MTUS2: variants seen among roughly 807,000 people sequenced by gnomAD.
MTUS2 encodes the protein microtubule-associated tumor suppressor candidate 2.
MTUS2 carries 40 observed loss-of-function variants against 114.1 expected under a neutral mutation model. The ratio of observed to expected loss-of-function variants is 0.35; its 90% CI spans 0.27 to 0.46. MTUS2 has a LOEUF of 0.46. MTUS2 is among the 20% of genes least tolerant of loss of function. The pLI, the probability that MTUS2 is intolerant of heterozygous loss-of-function variation, is 1.00. For missense variants in MTUS2, 1,679 were observed against 1,705.4 expected (o/e 0.98, Z 0.27); for synonymous variants, 688 against 672.0 (o/e 1.02, Z -0.37).
rs567774769 is a variant in MTUS2, at chr13:28,897,823, G to A, written c.-243+57973G>A. Among the ~76,000 whole-genome samples, 137 of 148,632 alleles carry A rather than the reference G, an allele frequency of 9.2e-4. 1 individual carries two copies. Among genetic ancestry groups the A allele is most frequent in the African/African-American group, 3.0e-3 (120 of 40,674 alleles). The stretch of plus-strand genomic sequence containing the variant: ...AAGGACAAAAAACCAAACACCGCAT[G>A]TTCTCACTCATAGGTGGGAATTGAA... On this transcript the variant is annotated intron_variant, in intron 2 of 15. Coordinates refer to ENST00000612955, the MANE Select transcript of MTUS2 (RefSeq NM_001033602.4).
intron 10 of MTUS2, 80 bp from the exon 11 acceptor site, chr13:29,487,820 G>A (rs780523440): frequency 1.8e-4 from 202 of 1,112,172 alleles, no homozygotes; most frequent in Non-Finnish European, 2.5e-4. Context: ...TTTGGGTCAC[G>A]GACCTTTTCC....
At chr13:29,321,717 A>G (rs1900262686) in intron 6 of MTUS2, among the ~76,000 whole-genome samples, 1 of 152,252 alleles carries the variant, frequency 6.6e-6, no homozygotes, top group Non-Finnish European at 1.5e-5. Flanking sequence ...ATTACAAAAT[A>G]TGGAACTAAT....
Position 28,845,787 on chromosome 13 carries a change from C to T in MTUS2, c.-243+5937C>T, listed in dbSNP as rs546408280. ...TGACACTCTGGGTCATGTCTCAGCT[C>T]TGGCATTTTTTAGTGTGTGACTTTA... On this transcript the variant is annotated intron_variant, in intron 2 of 15. Transcript: ENST00000612955. Among the ~76,000 whole-genome samples the T allele has an allele frequency of 2.6e-5, 4 of 151,910 alleles. No homozygotes were observed. In the East Asian group the frequency reaches 7.7e-4, roughly 29 times the overall value.
At chr13:28,821,964 G>A (rs1873933003) in intron 1 of MTUS2, among the ~76,000 whole-genome samples, 1 of 152,170 alleles carries the variant, frequency 6.6e-6, no homozygotes, top group African/African-American at 2.4e-5. Context: ...GAATACTTAC[G>A]GGAATCTTAA....
intron 2 of MTUS2, among the ~76,000 whole-genome samples, chr13:28,911,011 G>A (rs1880389850): frequency 6.6e-6 from 1 of 150,984 alleles, no homozygotes; most frequent in African/African-American, 2.4e-5. Context: ...GAATAGCTGG[G>A]ACTACAGGCA....
chr13:29,211,126 C>CCTCGGTG (rs1197782560), intron 5 of MTUS2, among the ~76,000 whole-genome samples: 1 of 152,056 alleles, frequency 6.6e-6, no homozygotes, highest in Non-Finnish European at 1.5e-5. Context: ...CCCAGACTGT[C>CCTCGGTG]CTCGGTGGGT....
intron 2 of MTUS2, among the ~76,000 whole-genome samples, chr13:29,014,753 C>A (rs1440728562): frequency 6.6e-6 from 1 of 152,214 alleles, no homozygotes; most frequent in Non-Finnish European, 1.5e-5. Context: ...CAGTGCCATG[C>A]AGGCCAGGTT....
Position 29,505,257 on chromosome 13 carries a change from G to A in MTUS2, c.*2051G>A, listed in dbSNP as rs907193000. On this transcript the variant is annotated 3_prime_UTR_variant, in exon 16 of 16. Coordinates refer to ENST00000612955, the MANE Select transcript of MTUS2 (RefSeq NM_001033602.4). ...AGGAACCGCTTACATAGCCGCACCT[G>A]CTAAATGCAGTTACACAGCAATACT... 6 of 231,442 alleles carry A rather than the reference G, an allele frequency of 2.6e-5. No homozygotes were observed. Among genetic ancestry groups the A allele is most frequent in the African/African-American group, 1.3e-4 (6 of 45,234 alleles). 14.3% of individuals were successfully genotyped at this position (231,442 alleles called of 1,614,324 possible). A position where few individuals can be genotyped will look rare whatever the true frequency, so the allele number is the denominator to read the frequency against.
At position 28,836,266 on chromosome 13, in the gene MTUS2, C is replaced by G. The variant is rs1252026595; in HGVS notation, c.-315-3512C>G. ...TACTTACAGCACGTCTCAGTTTAGG[C>G]TAGCCACATTTCAAGTGCTCATTGG... On this transcript the variant is annotated intron_variant, in intron 1 of 15. Coordinates refer to ENST00000612955, the MANE Select transcript of MTUS2 (RefSeq NM_001033602.4). 2.0e-5 allele frequency among the ~76,000 whole-genome samples: 3 copies of G among 152,290 alleles called. No homozygotes were observed. The East Asian group carries it at 5.8e-4, about 29-fold the overall frequency.
At chr13:29,284,586 A>G (rs1161755674) in intron 6 of MTUS2, among the ~76,000 whole-genome samples, 2 of 152,192 alleles carry the variant, frequency 1.3e-5, no homozygotes, top group African/African-American at 4.8e-5. Context: ...AAATTAAACA[A>G]ATGGAAGTAA....
At chr13:29,238,773 C>A (rs1896627328) in intron 5 of MTUS2, among the ~76,000 whole-genome samples, 1 of 152,146 alleles carries the variant, frequency 6.6e-6, no homozygotes, top group Admixed American at 6.5e-5. Flanking sequence ...ATCCTTCAAT[C>A]CAATCAAGTT....
chr13:29,426,560 A>G (rs1056401760), intron 8 of MTUS2, among the ~76,000 whole-genome samples: 3 of 152,156 alleles, frequency 2.0e-5, no homozygotes, highest in Non-Finnish European at 4.4e-5. Flanking sequence ...CTTGGCAGCC[A>G]CCATTCCACT....
chr13:29,303,658 C>T (rs1899307460), intron 6 of MTUS2, among the ~76,000 whole-genome samples: 1 of 152,114 alleles, frequency 6.6e-6, no homozygotes, highest in African/African-American at 2.4e-5. Flanking sequence ...AAACCTATGA[C>T]TGATTGGGGT....
At chr13:28,855,477 G>C (rs1876566642) in intron 2 of MTUS2, among the ~76,000 whole-genome samples, 1 of 152,036 alleles carries the variant, frequency 6.6e-6, no homozygotes, top group African/African-American at 2.4e-5. Context: ...CCCTGTGTCT[G>C]TATGTTCTCA....
intron 7 of MTUS2, among the ~76,000 whole-genome samples, chr13:29,357,325 T>C (rs771026452): frequency 2.1e-4 from 32 of 152,246 alleles, no homozygotes; most frequent in Non-Finnish European, 4.0e-4. Flanking sequence ...GGTGACTCTC[T>C]GTACCATAGG....
chr13:29,212,474 C>T (rs1241508125), intron 5 of MTUS2, among the ~76,000 whole-genome samples: 1 of 152,086 alleles, frequency 6.6e-6, no homozygotes, highest in East Asian at 1.9e-4. Context: ...TAGCACAGAC[C>T]ATACAGGTTA....
chr13:29,212,433 T>C (rs1895483089), intron 5 of MTUS2, among the ~76,000 whole-genome samples: 1 of 152,210 alleles, frequency 6.6e-6, no homozygotes, highest in Non-Finnish European at 1.5e-5. Flanking sequence ...TCCTACAATT[T>C]GATTCAAGTA....
intron 2 of MTUS2, among the ~76,000 whole-genome samples, chr13:28,982,246 A>G (rs1220992440): frequency 6.6e-6 from 1 of 152,156 alleles, no homozygotes; most frequent in African/African-American, 2.4e-5. Flanking sequence ...AGAGGTCAAG[A>G]GTCAAAATCA....
At chr13:29,196,290 G>A (rs1164022351) in intron 5 of MTUS2, among the ~76,000 whole-genome samples, 1 of 151,914 alleles carries the variant, frequency 6.6e-6, no homozygotes, top group Non-Finnish European at 1.5e-5. Flanking sequence ...AGAGACGGGG[G>A]TTTCACCACG....
Sources: gnomAD v4.1 joint callset for allele counts (sites outside exome capture counted in the v4.1 genomes callset) on GRCh38, gnomAD v4.1.1 for gene constraint, MANE v1.5 for transcripts, NCBI Gene and HGNC (gene_info 2026-07-23, HGNC 2026-07-21) for gene names.